ATP1A2: variants seen among roughly 807,000 people sequenced by gnomAD.
The protein encoded by ATP1A2 is sodium/potassium-transporting ATPase subunit alpha-2.
A neutral mutation model predicts 113.1 loss-of-function variants in ATP1A2; 56 were observed. The ratio of observed to expected loss-of-function variants is 0.49; its 90% CI spans 0.40 to 0.62. ATP1A2 has a LOEUF of 0.62. Ranked by LOEUF, ATP1A2 falls within the 20% of genes least tolerant of loss-of-function variation. The pLI is 0.00. For synonymous variants in ATP1A2, 490 were observed against 526.8 expected (o/e 0.93, Z 0.96); for missense variants, 712 against 1,357.8 (o/e 0.52, Z 7.47).
At chr1:160,140,849 T>TA (rs1652124886) in intron 22 of ATP1A2, 1 of 117,134 alleles carries the variant, frequency 8.5e-6, no homozygotes, top group Non-Finnish European at 1.8e-5. Context: ...TCACCTTCTT[T>TA]TTTTTTTTTT....
Position 160,142,816 on chromosome 1 carries a change from AAATG to A in ATP1A2, c.*1496_*1499del, listed in dbSNP as rs1400977201. The A allele has an allele frequency of 6.6e-6, 1 of 152,252 alleles. No individual in the cohort carries two copies. The highest frequency in any genetic ancestry group is 1.5e-5 in the Non-Finnish European group (1 of 68,100). 9.4% of individuals were successfully genotyped at this position (152,252 alleles called of 1,614,324 possible). Reference sequence around the variant, plus strand: ...TGAGACTCCATCTCAAAAAAAAAAAAAATGATTTGCTTTTGACGTCTTAGGTGGC... The same window carrying A: ...TGAGACTCCATCTCAAAAAAAAAAAAATTTGCTTTTGACGTCTTAGGTGGC... On this transcript the variant is annotated 3_prime_UTR_variant, in exon 23 of 23. Transcript: ENST00000361216.
At chr1:160,123,676 T>C (rs1020574574) in intron 4 of ATP1A2, among the ~76,000 whole-genome samples, 2 of 152,264 alleles carry the variant, frequency 1.3e-5, no homozygotes, top group African/African-American at 4.8e-5. Flanking sequence ...AGCCTGTCTG[T>C]GTGCCTGGGT....
rs141126958 is a variant in ATP1A2, at chr1:160,128,233, G to A, written c.1017+413G>A. 6.2e-3 allele frequency among the ~76,000 whole-genome samples: 938 copies of A among 152,240 alleles called. 14 individuals are homozygous for A. The highest frequency in any genetic ancestry group is 7.2e-3 in the Non-Finnish European group (489 of 68,010). ...CCTACCATTCTCTCTTTTGTCGATT[G>A]CTGTGATGTGTCACTATCCTGGTTC... On this transcript the variant is annotated intron_variant, in intron 8 of 22. Transcript: ENST00000361216.
In ATP1A2 at chr1:160,141,491, T is replaced by C; in HGVS notation, c.*169T>C. 1 of 804,032 alleles carries C rather than the reference T, an allele frequency of 1.2e-6. No individual in the cohort carries two copies. Among genetic ancestry groups the C allele is most frequent in the Non-Finnish European group, 2.1e-6 (1 of 473,838 alleles). The allele number at this position is 804,032 out of a possible 1,614,324, so 49.8% of individuals were successfully genotyped here. On this transcript the variant is annotated 3_prime_UTR_variant, in exon 23 of 23. Coordinates refer to ENST00000361216, the MANE Select transcript of ATP1A2 (RefSeq NM_000702.4). ...TTGCGGGGTATATAAATTGGGGTGA[T>C]GACCCCATAGACCTAACTGTGAACA... is the stretch of plus-strand genomic sequence containing the variant.
intron 3 of ATP1A2, among the ~76,000 whole-genome samples, chr1:160,122,962 G>A (rs1428053662): frequency 6.6e-6 from 1 of 152,134 alleles, no homozygotes; most frequent in African/African-American, 2.4e-5. Context: ...CCTAACCATA[G>A]GTGTTGTCTC....
chr1:160,128,334 G>T, intron 8 of ATP1A2: 1 of 606,384 alleles, frequency 1.6e-6, no homozygotes, highest in Non-Finnish European at 3.0e-6. Context: ...TACACCCTGA[G>T]CAAGAGCCAA....
At chr1:160,128,472 C>G in intron 8 of ATP1A2, 180 bp from the exon 9 acceptor site, 1 of 1,525,034 alleles carries the variant, frequency 6.6e-7, no homozygotes, top group Non-Finnish European at 8.8e-7. Flanking sequence ...TTCATCTTAA[C>G]AGATACTCAT....
At chr1:160,128,414 G>A in intron 8 of ATP1A2, 1 of 1,199,062 alleles carries the variant, frequency 8.3e-7, no homozygotes, top group Non-Finnish European at 1.2e-6. Context: ...CTCTGCTCTG[G>A]CCCTCTCTGG....
At position 160,127,691 on chromosome 1, in the gene ATP1A2, C is replaced by T. The variant is rs767314566; in HGVS notation, c.888C>T (p.Val296=). The change falls in exon 8 of 23, where the codon GTC becomes GTT. Residue 296 remains valine (V), a synonymous_variant. Coordinates refer to ENST00000361216, the MANE Select transcript of ATP1A2 (RefSeq NM_000702.4). ...IEHFIQLITG[V]AVFLGVSFFV... is the part of the protein sequence containing the mutation. The stretch of plus-strand genomic sequence containing the variant: ...ACTTCATCCAGCTGATCACAGGGGT[C>T]GCTGTATTCCTGGGGGTCTCCTTCT... 1.7e-5 allele frequency: 28 copies of T among 1,614,118 alleles called. No homozygotes were observed. Among genetic ancestry groups the T allele is most frequent in the East Asian group, 2.2e-5 (1 of 44,902 alleles).
At position 160,136,951 on chromosome 1, in the gene ATP1A2, TGCCA is replaced by T. The variant is rs1206061438; in HGVS notation, c.2763_2766del (p.Ile923TrpfsTer23). On this transcript the variant is annotated frameshift_variant, in exon 20 of 23. Coordinates refer to ENST00000361216, the MANE Select transcript of ATP1A2 (RefSeq NM_000702.4). LOFTEE classifies it high-confidence loss of function. ...AGTTCACGTGCCACACGGCATTCTT[TGCCA>T]GCATCGTGGTGGTGCAGTGGGCTGA... 1.2e-6 allele frequency: 2 copies of T among 1,614,026 alleles called. No homozygotes were observed. The highest frequency in any genetic ancestry group is 1.7e-6 in the Non-Finnish European group (2 of 1,180,016).
Position 160,119,447 on chromosome 1 carries a change from C to T in ATP1A2, c.13-1459C>T, listed in dbSNP as rs550764748. ...TGGAAACTGAGCAGCCCCTCTATGA[C>T]AAGGACTCTATTTCCTGAGGGAAGT... On this transcript the variant is annotated intron_variant, in intron 1 of 22. Transcript: ENST00000361216. Among the ~76,000 whole-genome samples the T allele has an allele frequency of 1.4e-3, 220 of 152,208 alleles. 1 individual carries two copies. Among genetic ancestry groups the T allele is most frequent in the African/African-American group, 5.2e-3 (217 of 41,544 alleles).
rs1185155908 is a variant in ATP1A2 at position 160,135,205 on chromosome 1, C to T, written c.2025C>T (p.Leu675=). The change falls in exon 15 of 23, where the codon CTC becomes CTT. Residue 675 remains leucine, a synonymous_variant. Transcript: ENST00000361216. This position sits in a 1 kb window ranked among gnomAD's most constrained non-coding sequence, Gnocchi z 6.3. ...TGAAGGACATGACATCGGAGCAGCTCGATGAGATCCTCAAGAACCACACAG... is the reference window on the plus strand; with the variant it reads ...TGAAGGACATGACATCGGAGCAGCTTGATGAGATCCTCAAGAACCACACAG... ...SDLKDMTSEQ[L]DEILKNHTEI... The T allele has an allele frequency of 1.2e-6, 2 of 1,614,024 alleles. No homozygotes were observed. The highest frequency in any genetic ancestry group is 1.7e-6 in the Non-Finnish European group (2 of 1,180,032).
At chr1:160,140,315 G>A (rs959549921) in intron 22 of ATP1A2, among the ~76,000 whole-genome samples, 1 of 115,168 alleles carries the variant, frequency 8.7e-6, no homozygotes, top group Non-Finnish European at 2.0e-5. Flanking sequence ...AGGCTCAGAG[G>A]TGAATCTGTT....
At position 160,130,411 on chromosome 1, in the gene ATP1A2, C is replaced by A; in HGVS notation, c.1652-11C>A. The A allele has an allele frequency of 6.2e-7, 1 of 1,614,164 alleles. No individual in the cohort carries two copies. The highest frequency in any genetic ancestry group is 8.5e-7 in the Non-Finnish European group (1 of 1,180,022). On this transcript the variant is annotated splice_polypyrimidine_tract_variant and intron_variant, in intron 12 of 22. Transcript: ENST00000361216. Reference sequence around the variant, plus strand: ...CTGCGGATCTCACTGATCCCTTCTGCCCCCCTTTAGGATTCTGTCAACTGA... The same window carrying A: ...CTGCGGATCTCACTGATCCCTTCTGACCCCCTTTAGGATTCTGTCAACTGA...
rs397775888 is a variant in ATP1A2, at chr1:160,139,618, A to AC, written c.2841-20dup. 214,464 of 1,610,610 alleles carry AC rather than the reference A, an allele frequency of 0.13. 14,940 individuals are homozygous for AC. The highest frequency in any genetic ancestry group is 0.14 in the Admixed American group (8,443 of 59,982). On this transcript the variant is annotated intron_variant, in intron 20 of 22. Coordinates refer to ENST00000361216, the MANE Select transcript of ATP1A2 (RefSeq NM_000702.4). ...CCTCCATGATCCCCCTTCACCTGCC[A>AC]CCTCCTTTCTTTGCCTTTCAGGAAC...
intron 7 of ATP1A2, among the ~76,000 whole-genome samples, chr1:160,125,796 C>T (rs935590492): frequency 5.3e-5 from 8 of 152,212 alleles, no homozygotes; most frequent in African/African-American, 9.6e-5. Context: ...GCACAGACTA[C>T]CCAGTTTGCC....
intron 7 of ATP1A2, chr1:160,125,473 G>A: frequency 1.7e-6 from 1 of 571,626 alleles, no homozygotes. Flanking sequence ...TCCCCAGGGA[G>A]ATCTCTGTTC....
At chr1:160,126,446 C>T (rs1349125939) in intron 7 of ATP1A2, among the ~76,000 whole-genome samples, 2 of 152,092 alleles carry the variant, frequency 1.3e-5, no homozygotes, top group African/African-American at 2.4e-5. Flanking sequence ...ATAAAAATCA[C>T]CACACATTAC....
intron 13 of ATP1A2, among the ~76,000 whole-genome samples, chr1:160,130,948 C>A (rs1651752756): frequency 6.6e-6 from 1 of 152,186 alleles, no homozygotes; most frequent in East Asian, 1.9e-4. Flanking sequence ...CCCTCTCTGT[C>A]AACTTAGGAT....
Sources: allele counts gnomAD v4.1 joint callset (sites outside exome capture counted in the v4.1 genomes callset), GRCh38; gene constraint gnomAD v4.1.1; non-coding constraint Gnocchi (gnomAD v3.1); transcripts MANE v1.5; gene names NCBI Gene and HGNC (gene_info 2026-07-23, HGNC 2026-07-21).